Variants in PTPDC1 observed in about 807,000 individuals in gnomAD.
PTPDC1 encodes protein tyrosine phosphatase domain containing 1.
A neutral mutation model predicts 75.3 loss-of-function variants in PTPDC1; 53 were observed. That is an observed-to-expected ratio of 0.70 (90% CI 0.56 to 0.88). The LOEUF (loss-of-function observed/expected upper bound fraction) is 0.88. PTPDC1 is among the 40% of genes least tolerant of loss of function. The probability of loss-of-function intolerance (pLI) is 0.00; values close to 1 mark genes in which losing one functional copy is unlikely to be tolerated. For missense variants in PTPDC1, 925 were observed against 998.6 expected (o/e 0.93, Z 0.99); for synonymous variants, 349 against 366.2 (o/e 0.95, Z 0.54).
chr9:94,062,530 G>T (rs577395120), intron 1 of PTPDC1, among the ~76,000 whole-genome samples: 1 of 152,144 alleles, frequency 6.6e-6, no homozygotes, highest in Non-Finnish European at 1.5e-5. Flanking sequence ...AGGTCTGATT[G>T]CCTCATGGTT....
intron 1 of PTPDC1, among the ~76,000 whole-genome samples, chr9:94,055,757 A>C (rs1825913043): frequency 6.6e-6 from 1 of 152,194 alleles, no homozygotes; most frequent in Admixed American, 6.5e-5. Flanking sequence ...TATATAAAAA[A>C]ACAAAAAATC....
intron 8 of PTPDC1, among the ~76,000 whole-genome samples, chr9:94,107,298 T>TA (rs955221671): frequency 6.6e-6 from 1 of 152,206 alleles, no homozygotes. Context: ...GACTCATAGA[T>TA]ACGCTATCCT....
intron 6 of PTPDC1, chr9:94,099,974 T>C (rs1054507480): frequency 2.0e-5 from 3 of 152,252 alleles, no homozygotes; most frequent in African/African-American, 7.2e-5. Context: ...AAAAAATCAG[T>C]TGAATTCTGG....
Position 94,097,322 on chromosome 9 carries a change from TG to T in PTPDC1, c.757del (p.Val253PhefsTer2). Reference protein sequence around the residue: ...HCHAGLGRTGVLIACYLVFAT... With the variant: ...HCHAGLGRTGXLIACYLVFAT... ...AGTCTTCTCTTCTTCACTGTTTAGG[TG>T]TTTTAATAGCCTGTTACTTAGTTTT... On this transcript the variant is annotated frameshift_variant and splice_region_variant, in exon 6 of 9. Transcript: ENST00000620992. LOFTEE classifies it high-confidence loss of function. 6.3e-7 allele frequency: 1 copy of T among 1,587,182 alleles called. No homozygotes were observed. The highest frequency in any genetic ancestry group is 8.6e-7 in the Non-Finnish European group (1 of 1,162,522).
At chr9:94,070,066 G>A (rs914898847) in intron 2 of PTPDC1, among the ~76,000 whole-genome samples, 20 of 151,436 alleles carry the variant, frequency 1.3e-4, no homozygotes, top group African/African-American at 4.4e-4. Flanking sequence ...CTCGTGATCC[G>A]CCCGCCTCTG....
intron 2 of PTPDC1, among the ~76,000 whole-genome samples, chr9:94,078,022 TG>T (rs1354950661): frequency 6.6e-6 from 1 of 152,246 alleles, no homozygotes; most frequent in Non-Finnish European, 1.5e-5. Context: ...CTAGTCCCCC[TG>T]GCAAACACTA....
intron 2 of PTPDC1, among the ~76,000 whole-genome samples, chr9:94,066,801 G>T (rs1478241148): frequency 6.6e-6 from 1 of 151,696 alleles, no homozygotes; most frequent in Non-Finnish European, 1.5e-5. Flanking sequence ...CAAATGACCC[G>T]CCTGCCTCAG....
intron 1 of PTPDC1, chr9:94,037,980 G>A: frequency 3.5e-6 from 1 of 285,708 alleles, no homozygotes; most frequent in Non-Finnish European, 6.8e-6. Flanking sequence ...TGGGACGTCC[G>A]GCTTCGGGGT....
chr9:94,089,369 AT>A (rs1358930753), intron 4 of PTPDC1, among the ~76,000 whole-genome samples: 1 of 148,160 alleles, frequency 6.7e-6, no homozygotes, highest in Non-Finnish European at 1.5e-5. Context: ...GAGAATGATG[AT>A]TTCCAATTTC....
At chr9:94,087,762 G>T (rs1827128846) in intron 2 of PTPDC1, 69 bp from the exon 3 acceptor site, 2 of 1,061,448 alleles carry the variant, frequency 1.9e-6, no homozygotes, top group East Asian at 4.8e-5. Context: ...TCTCAGGACT[G>T]GAACATCTCT....
intron 5 of PTPDC1, among the ~76,000 whole-genome samples, chr9:94,096,083 A>G (rs1827554105): frequency 1.3e-5 from 2 of 152,200 alleles, no homozygotes; most frequent in Non-Finnish European, 2.9e-5. Flanking sequence ...AAAGTCAGTG[A>G]TTTTACTTAA....
At chr9:94,090,896 T>G (rs1222985538) in intron 4 of PTPDC1, among the ~76,000 whole-genome samples, 1 of 150,142 alleles carries the variant, frequency 6.7e-6, no homozygotes, top group Non-Finnish European at 1.5e-5. Context: ...GTTGTTGGTG[T>G]ATAAGAATGC....
At chr9:94,038,205 C>G (rs1825328957) in intron 1 of PTPDC1, 1 of 833,146 alleles carries the variant, frequency 1.2e-6, no homozygotes, top group African/African-American at 1.7e-5. Flanking sequence ...AAAGGCATCA[C>G]CTGGGGAGAG....
At chr9:94,063,370 GT>G (rs527506659) in intron 1 of PTPDC1, among the ~76,000 whole-genome samples, 34 of 152,278 alleles carry the variant, frequency 2.2e-4, no homozygotes, top group Admixed American at 3.9e-4. Context: ...TTCAAATTAA[GT>G]TTTTGCTAAT....
chr9:94,098,540 A>G lies in PTPDC1; in HGVS notation c.1974A>G (p.Val658=), dbSNP rs1486407531. 1 of 1,614,178 alleles carries G rather than the reference A, an allele frequency of 6.2e-7. No individual in the cohort carries two copies. The stretch of plus-strand genomic sequence containing the variant: ...CCCTAGCAAATTTAAATGAATCTGT[A>G]GAAAAGGAGGAACTAAAAAGGAAGG... ...AKALANLNES[V]EKEELKRKVE... is the part of the protein sequence containing the mutation. The change falls in exon 6 of 9, where the codon GTA becomes GTG. Residue 658 remains valine, a synonymous_variant. Coordinates refer to ENST00000620992, the MANE Select transcript of PTPDC1 (RefSeq NM_001253829.2).
chr9:94,088,100 T>A (rs775131331), intron 3 of PTPDC1, 45 bp from the exon 4 acceptor site: 19 of 1,584,998 alleles, frequency 1.2e-5, no homozygotes, highest in Middle Eastern at 1.9e-4. Flanking sequence ...TAATTTTTTT[T>A]AAATGCTAGC....
chr9:94,075,318 C>G (rs1403321506), intron 2 of PTPDC1, among the ~76,000 whole-genome samples: 1 of 152,204 alleles, frequency 6.6e-6, no homozygotes, highest in East Asian at 1.9e-4. Flanking sequence ...GTTTATCTCT[C>G]CGACACCACC....
chr9:94,101,302 C>T, intron 6 of PTPDC1: 1 of 326,724 alleles, frequency 3.1e-6, no homozygotes, highest in Non-Finnish European at 5.5e-6. Flanking sequence ...TTTAACCGAC[C>T]TTATCTCAGT....
chr9:94,093,452 C>T (rs1405531793), intron 4 of PTPDC1, among the ~76,000 whole-genome samples: 1,648 of 146,264 alleles, frequency 0.011, 33 homozygotes, highest in African/African-American at 0.04. Flanking sequence ...GCCGAGAGAT[C>T]CGCTGTTAGT....
Sources: gnomAD v4.1 joint callset for allele counts (sites outside exome capture counted in the v4.1 genomes callset) on GRCh38, gnomAD v4.1.1 for gene constraint, MANE v1.5 for transcripts, NCBI Gene and HGNC (gene_info 2026-07-23, HGNC 2026-07-21) for gene names.